Variants in MTCL2 observed in about 807,000 individuals in gnomAD.
The protein encoded by MTCL2 is microtubule crosslinking factor 2, also known as microtubule cross-linking factor 2.
At chr20:36,840,999 C>A in the MTCL2 span, among the ~76,000 whole-genome samples, 3 of 151,548 alleles carry the variant, frequency 2.0e-5, no homozygotes, top group Admixed American at 6.6e-5. Context: ...ACACAGTAAA[C>A]CAGAAAATAA....
the MTCL2 span, among the ~76,000 whole-genome samples, chr20:36,846,680 C>T: frequency 6.6e-6 from 1 of 152,216 alleles, no homozygotes; most frequent in Non-Finnish European, 1.5e-5. Context: ...TTACCCCAGC[C>T]CTCCAGCGTC....
the MTCL2 span, chr20:36,793,742 C>A: frequency 1.3e-6 from 2 of 1,542,456 alleles, no homozygotes; most frequent in Non-Finnish European, 1.7e-6. This position sits in a 1 kb window ranked among gnomAD's most constrained non-coding sequence, Gnocchi z 6.8. Flanking sequence ...GGACACAGAC[C>A]GCCTCTGGAG....
the MTCL2 span, chr20:36,777,811 A>T: frequency 1.6e-6 from 1 of 618,064 alleles, no homozygotes; most frequent in Non-Finnish European, 2.9e-6. Flanking sequence ...GGCCAGGATG[A>T]GGAGGAAGGG....
the MTCL2 span, chr20:36,796,905 C>T: frequency 6.2e-7 from 1 of 1,613,842 alleles, no homozygotes; most frequent in South Asian, 1.1e-5. Flanking sequence ...TTCCTCCAAG[C>T]TCAACTTCGG....
the MTCL2 span, among the ~76,000 whole-genome samples, chr20:36,847,352 A>C: frequency 7.2e-5 from 11 of 151,968 alleles, no homozygotes; most frequent in African/African-American, 2.7e-4. Flanking sequence ...TCCTTCCCAG[A>C]CTCTGATTCA....
the MTCL2 span, chr20:36,828,707 G>A: frequency 8.2e-6 from 2 of 243,400 alleles, no homozygotes; most frequent in African/African-American, 4.6e-5. Context: ...GAGGCACAGA[G>A]GGCTGAGCCC....
At chr20:36,791,419 C>T in the MTCL2 span, among the ~76,000 whole-genome samples, 1 of 152,142 alleles carries the variant, frequency 6.6e-6, no homozygotes, top group African/African-American at 2.4e-5. Flanking sequence ...GATTTTGCAC[C>T]AAGATGTTCA....
At chr20:36,847,975 G>A in the MTCL2 span, among the ~76,000 whole-genome samples, 7 of 151,812 alleles carry the variant, frequency 4.6e-5, no homozygotes, top group Non-Finnish European at 7.4e-5. Flanking sequence ...GTGAGTCTCC[G>A]TCTCTACAAA....
chr20:36,857,427 G>A, the MTCL2 span, among the ~76,000 whole-genome samples: 4 of 152,140 alleles, frequency 2.6e-5, no homozygotes, highest in South Asian at 2.1e-4. Context: ...CTGGAGGCGT[G>A]CTTCTGAAAG....
chr20:36,822,888 G>C, the MTCL2 span, among the ~76,000 whole-genome samples: 1 of 151,952 alleles, frequency 6.6e-6, no homozygotes, highest in Non-Finnish European at 1.5e-5. Flanking sequence ...CTCCTGAGTA[G>C]CCGAGACTAC....
At chr20:36,795,555 A>T in the MTCL2 span, among the ~76,000 whole-genome samples, 1 of 152,036 alleles carries the variant, frequency 6.6e-6, no homozygotes, top group South Asian at 2.1e-4. Flanking sequence ...CAGGCAGATC[A>T]CCTGAGGTCA....
chr20:36,786,878 G>A, the MTCL2 span, among the ~76,000 whole-genome samples: 1 of 152,140 alleles, frequency 6.6e-6, no homozygotes, highest in East Asian at 1.9e-4. Context: ...ACTGTCCATG[G>A]TCCTGCACGC....
the MTCL2 span, chr20:36,796,775 C>T: frequency 9.3e-7 from 1 of 1,072,900 alleles, no homozygotes; most frequent in South Asian, 1.3e-5. Flanking sequence ...CGGGGCAGGG[C>T]TGCGGTGAAA....
chr20:36,863,423 G>C, the MTCL2 span: 1 of 1,063,156 alleles, frequency 9.4e-7, no homozygotes, highest in Admixed American at 4.9e-5. The surrounding 1 kb of genome is among the most constrained non-coding windows in gnomAD (Gnocchi z 6.2). Context: ...GAGGGACCCG[G>C]CGCGGCTCCG....
chr20:36,804,201 G>A, the MTCL2 span, among the ~76,000 whole-genome samples: 1 of 152,184 alleles, frequency 6.6e-6, no homozygotes, highest in African/African-American at 2.4e-5. Flanking sequence ...GGAAGAAGCT[G>A]GAGCCCAAGC....
At chr20:36,859,958 G>A in the MTCL2 span, 10 of 1,224,190 alleles carry the variant, frequency 8.2e-6, no homozygotes, top group Middle Eastern at 6.2e-4. Flanking sequence ...TTTCCCATCT[G>A]TGGAATAAAC....
the MTCL2 span, among the ~76,000 whole-genome samples, chr20:36,857,072 G>A: frequency 1.3e-5 from 2 of 152,196 alleles, no homozygotes; most frequent in African/African-American, 2.4e-5. Context: ...GGAGGTACCC[G>A]GGTGGTGAGC....
chr20:36,777,964 GA>G, the MTCL2 span: 1 of 566,814 alleles, frequency 1.8e-6, no homozygotes, highest in Non-Finnish European at 3.1e-6. Context: ...TCAGTTTGAA[GA>G]GGCGCTATCT....
the MTCL2 span, chr20:36,839,418 G>C: frequency 1.9e-6 from 3 of 1,613,248 alleles, no homozygotes; most frequent in African/African-American, 4.0e-5. This position sits in a 1 kb window ranked among gnomAD's most constrained non-coding sequence, Gnocchi z 5.1. Flanking sequence ...CCAGCATCTC[G>C]GCCCGCAGCT....
Sources: allele counts gnomAD v4.1 joint callset (sites outside exome capture counted in the v4.1 genomes callset), GRCh38; gene constraint gnomAD v4.1.1; non-coding constraint Gnocchi (gnomAD v3.1); transcripts MANE v1.5; gene names NCBI Gene and HGNC (gene_info 2026-07-23, HGNC 2026-07-21).